The following GLIS3 variants were observed in gnomAD, a reference collection of about 807,000 sequenced individuals.
The protein encoded by GLIS3 is zinc finger protein GLIS3.
Under a neutral mutation model 78.6 loss-of-function variants are expected in GLIS3, and 53 were observed. The ratio of observed to expected loss-of-function variants is 0.67; its 90% CI spans 0.54 to 0.85. GLIS3 has a LOEUF of 0.85. GLIS3 is among the 40% of genes least tolerant of loss of function. The pLI is 0.00. For synonymous variants in GLIS3, 684 were observed against 509.9 expected (o/e 1.34, Z -4.60); for missense variants, 1,703 against 1,231.1 (o/e 1.38, Z -5.74).
the GLIS3 span, among the ~76,000 whole-genome samples, chr9:4,463,125 T>C: frequency 3.0e-3 from 461 of 152,342 alleles, no homozygotes; most frequent in African/African-American, 1.0e-2. Flanking sequence ...GGTTACCAAA[T>C]ACTGTGTCAC....
At chr9:3,899,594 C>A (rs112673905) in intron 6 of GLIS3, among the ~76,000 whole-genome samples, 202 of 151,364 alleles carry the variant, frequency 1.3e-3, no homozygotes, top group African/African-American at 4.7e-3. Flanking sequence ...AACATAATAC[C>A]TTAAAAGCAA....
At chr9:4,014,973 C>T (rs1001768214) in intron 4 of GLIS3, among the ~76,000 whole-genome samples, 27 of 152,158 alleles carry the variant, frequency 1.8e-4, no homozygotes, top group African/African-American at 6.3e-4. Flanking sequence ...TAAGACAGAC[C>T]CTTCCCTTCA....
chr9:4,147,376 G>T (rs895486132), intron 2 of GLIS3: 2 of 152,100 alleles, frequency 1.3e-5, no homozygotes, highest in African/African-American at 4.8e-5. Flanking sequence ...CAGGCTGTTT[G>T]GCCACTGACA....
At chr9:4,388,034 A>C in the GLIS3 span, among the ~76,000 whole-genome samples, 1 of 152,160 alleles carries the variant, frequency 6.6e-6, no homozygotes, top group African/African-American at 2.4e-5. Context: ...GAGCGAACCA[A>C]TGTTTTGTTT....
chr9:4,183,508 C>T (rs7040807), intron 2 of GLIS3, among the ~76,000 whole-genome samples: 2,198 of 152,230 alleles, frequency 0.014, 52 homozygotes, highest in African/African-American at 0.05. Flanking sequence ...AAGGAAGCAG[C>T]GATCCTGAAA....
chr9:3,967,673 T>C (rs530747861), intron 4 of GLIS3, among the ~76,000 whole-genome samples: 41 of 152,276 alleles, frequency 2.7e-4, no homozygotes, highest in African/African-American at 9.9e-4. Flanking sequence ...TCAAGAAGAA[T>C]GTGTTACAGT....
chr9:4,209,326 G>C (rs1225506771), intron 2 of GLIS3, among the ~76,000 whole-genome samples: 1 of 152,174 alleles, frequency 6.6e-6, no homozygotes, highest in East Asian at 1.9e-4. Flanking sequence ...GGGACATTTT[G>C]ATGCATAGGG....
At chr9:4,323,869 C>G (rs1267035540) in intron 2 of GLIS3, among the ~76,000 whole-genome samples, 1 of 152,208 alleles carries the variant, frequency 6.6e-6, no homozygotes, top group African/African-American at 2.4e-5. Flanking sequence ...TTTATCTCTA[C>G]TATTCAGTAC....
At chr9:4,259,790 A>G (rs750888951) in intron 2 of GLIS3, among the ~76,000 whole-genome samples, 2 of 152,202 alleles carry the variant, frequency 1.3e-5, no homozygotes, top group Non-Finnish European at 2.9e-5. Context: ...ATGTATCCCA[A>G]TTGCTGGCTT....
intron 7 of GLIS3, among the ~76,000 whole-genome samples, chr9:3,883,915 A>G (rs1821901018): frequency 6.6e-6 from 1 of 152,262 alleles, no homozygotes; most frequent in African/African-American, 2.4e-5. Context: ...TCTTCAGCAG[A>G]GGCCAGCTAC....
intron 4 of GLIS3, among the ~76,000 whole-genome samples, chr9:4,022,828 A>G (rs1421424644): frequency 2.0e-5 from 3 of 152,222 alleles, no homozygotes; most frequent in Admixed American, 6.5e-5. Flanking sequence ...AAGAAAGTAT[A>G]CACTATATGA....
At chr9:4,081,968 T>C (rs1286129243) in intron 4 of GLIS3, among the ~76,000 whole-genome samples, 1 of 152,228 alleles carries the variant, frequency 6.6e-6, no homozygotes, top group Non-Finnish European at 1.5e-5. Flanking sequence ...GCTTCTTAAA[T>C]GCCATTTCAT....
At chr9:4,077,408 A>G (rs1828169626) in intron 4 of GLIS3, among the ~76,000 whole-genome samples, 1 of 152,220 alleles carries the variant, frequency 6.6e-6, no homozygotes, top group Non-Finnish European at 1.5e-5. Context: ...AGCATGTCTT[A>G]GAGACAGGAG....
At chr9:4,385,437 G>C in the GLIS3 span, among the ~76,000 whole-genome samples, 2 of 152,288 alleles carry the variant, frequency 1.3e-5, no homozygotes, top group Middle Eastern at 3.4e-3. Context: ...CCTGAGGCCG[G>C]TGGATCACCT....
chr9:4,326,994 A>G (rs1482590963), intron 2 of GLIS3, among the ~76,000 whole-genome samples: 1 of 152,250 alleles, frequency 6.6e-6, no homozygotes, highest in Non-Finnish European at 1.5e-5. Context: ...GGGGTACAGC[A>G]TAGAGCAAGA....
chr9:4,032,146 T>G (rs1823895057), intron 4 of GLIS3, among the ~76,000 whole-genome samples: 2 of 152,196 alleles, frequency 1.3e-5, no homozygotes, highest in Non-Finnish European at 2.9e-5. Context: ...TTCAGTCCTG[T>G]GCAGACTGCC....
chr9:4,109,530 G>A (rs1831041006), intron 4 of GLIS3, among the ~76,000 whole-genome samples: 1 of 152,200 alleles, frequency 6.6e-6, no homozygotes, highest in South Asian at 2.1e-4. Context: ...ATGTTTTAAT[G>A]AGGAATTAAA....
chr9:4,186,569 G>A (rs1391664720), intron 2 of GLIS3, among the ~76,000 whole-genome samples: 10 of 151,384 alleles, frequency 6.6e-5, no homozygotes, highest in East Asian at 1.9e-4. Flanking sequence ...CTGAGGAATC[G>A]CCACACTGAC....
At chr9:4,172,351 A>G (rs1274505263) in intron 2 of GLIS3, among the ~76,000 whole-genome samples, 1 of 151,938 alleles carries the variant, frequency 6.6e-6, no homozygotes, top group Admixed American at 6.6e-5. Flanking sequence ...AGGATGGTCC[A>G]CTCCACCGAA....
Sources: gnomAD v4.1 joint callset for allele counts (sites outside exome capture counted in the v4.1 genomes callset) on GRCh38, gnomAD v4.1.1 for gene constraint, MANE v1.5 for transcripts, NCBI Gene and HGNC (gene_info 2026-07-23, HGNC 2026-07-21) for gene names.